Variants in ATRX observed in about 807,000 individuals in gnomAD.
ATRX encodes the protein ATRX chromatin remodeler, also known as chromatin remodeler ATRX.
ATRX carries 12 observed loss-of-function variants against 172.6 expected under a neutral mutation model. The observed-to-expected ratio is 0.07, with a 90% confidence interval of 0.04 to 0.11. The LOEUF is 0.11. Ranked by LOEUF, ATRX falls within the 10% of genes least tolerant of loss-of-function variation. The pLI is 1.00. For missense variants in ATRX, 1,368 were observed against 1,767.4 expected (o/e 0.77, Z 4.05); for synonymous variants, 674 against 594.7 (o/e 1.13, Z -1.94).
In ATRX at chrX:77,620,515, A is replaced by T; in HGVS notation, c.5152T>A (p.Cys1718Ser). The T allele has an allele frequency of 8.3e-7, 1 of 1,205,266 alleles. No homozygotes were observed. The highest frequency in any genetic ancestry group is 1.1e-6 in the Non-Finnish European group (1 of 890,446). Reference sequence around the variant, plus strand: ...TTTTTTAGAATATGGCCTTCATCACAAACAACAAAATCAGGGCCTACAAAA... The same window carrying T: ...TTTTTTAGAATATGGCCTTCATCACTAACAACAAAATCAGGGCCTACAAAA... ...LVDPGPDFVV[C>S]DEGHILKNEA... The change falls in exon 20 of 35, where the codon TGT becomes AGT. Residue 1718 changes from cysteine (C) to serine (S), a missense_variant. Cys to Ser is a moderately radical substitution (Grantham distance 112, BLOSUM62 -1). Coordinates refer to ENST00000373344, the MANE Select transcript of ATRX (RefSeq NM_000489.6).
chrX:77,681,259 A>G (rs1557136604), intron 9 of ATRX, among the ~76,000 whole-genome samples: 1 of 112,018 alleles, frequency 8.9e-6, no homozygotes, highest in African/African-American at 3.2e-5. Context: ...GAAAAGCACT[A>G]AACATTGATA....
chrX:77,567,501 G>A (rs2065242988), intron 28 of ATRX, among the ~76,000 whole-genome samples: 1 of 111,139 alleles, frequency 9.0e-6, no homozygotes, highest in Non-Finnish European at 1.9e-5. Context: ...AGAAGATTAT[G>A]AGGGATAGAC....
At chrX:77,698,483 C>A in intron 3 of ATRX, 91 bp downstream of exon 3, 1 of 789,479 alleles carries the variant, frequency 1.3e-6, no homozygotes, top group Non-Finnish European at 1.9e-6. Flanking sequence ...CAGTAGCCTT[C>A]GACACATACA....
At position 77,521,790 on chromosome X, in the gene ATRX, G is replaced by C. The variant is rs2063240568; in HGVS notation, c.6976-292C>G. On this transcript the variant is annotated intron_variant, in intron 32 of 34. Coordinates refer to ENST00000373344, the MANE Select transcript of ATRX (RefSeq NM_000489.6). ...TTTCAGATTCAATTAAGTCATTATT[G>C]GTATAATAAAAACCCAGTCTTTCCT... is the stretch of plus-strand genomic sequence containing the variant. The C allele has an allele frequency of 1.3e-5, 3 of 227,692 alleles. No individual in the cohort carries two copies. The South Asian group carries it at 2.8e-4, about 21-fold the overall frequency. The allele number at this position is 227,692 out of a possible 1,213,427, so 18.8% of individuals were successfully genotyped here.
chrX:77,734,269 G>A (rs1266076244), intron 1 of ATRX, among the ~76,000 whole-genome samples: 1 of 105,691 alleles, frequency 9.5e-6, no homozygotes, highest in Non-Finnish European at 1.9e-5. Flanking sequence ...ACAAAAATTA[G>A]TTGGGCATGG....
intron 6 of ATRX, among the ~76,000 whole-genome samples, chrX:77,692,504 T>C (rs1557147535): frequency 8.9e-6 from 1 of 112,108 alleles, no homozygotes; most frequent in Non-Finnish European, 1.9e-5. Flanking sequence ...AAAATAGATA[T>C]ATTTTACTGG....
At position 77,633,520 on chromosome X, in the gene ATRX, T is replaced by C. The variant is rs200339988; in HGVS notation, c.4956+46A>G. 25 of 1,163,386 alleles carry C rather than the reference T, an allele frequency of 2.1e-5. No individual in the cohort carries two copies. The East Asian group carries it at 7.2e-4, about 33-fold the overall frequency. ...AATTAAAAATAGTTTACTATATGAATTTCATGTGACTATTTTAATAATAGA... is the reference window on the plus strand; with the variant it reads ...AATTAAAAATAGTTTACTATATGAACTTCATGTGACTATTTTAATAATAGA... On this transcript the variant is annotated intron_variant, in intron 18 of 34. Transcript: ENST00000373344.
At chrX:77,567,513 G>A (rs2065243596) in intron 28 of ATRX, among the ~76,000 whole-genome samples, 1 of 110,927 alleles carries the variant, frequency 9.0e-6, no homozygotes, top group Non-Finnish European at 1.9e-5. Context: ...GGGATAGACA[G>A]GGGCACAGCA....
chrX:77,735,556 C>T (rs1557178492), intron 1 of ATRX, among the ~76,000 whole-genome samples: 1 of 106,161 alleles, frequency 9.4e-6, no homozygotes, highest in East Asian at 2.9e-4. Context: ...CGTGCCACTG[C>T]ACTCCAGCCT....
chrX:77,753,008 T>C (rs2075359545), intron 1 of ATRX, among the ~76,000 whole-genome samples: 1 of 111,699 alleles, frequency 9.0e-6, no homozygotes, highest in African/African-American at 3.3e-5. Flanking sequence ...GAATCCTTCT[T>C]TTTCTATTGC....
chrX:77,690,686 G>A (rs1465712558), intron 6 of ATRX: 1 of 111,528 alleles, frequency 9.0e-6, no homozygotes, highest in Non-Finnish European at 1.9e-5. Context: ...TGTTTTAACA[G>A]AAACAAATAC....
chrX:77,743,252 G>A (rs2074948076), intron 1 of ATRX, among the ~76,000 whole-genome samples: 1 of 111,167 alleles, frequency 9.0e-6, no homozygotes, highest in Non-Finnish European at 1.9e-5. Flanking sequence ...AACTCCGCCT[G>A]GACTGGGGCA....
intron 1 of ATRX, among the ~76,000 whole-genome samples, chrX:77,775,064 A>G (rs1354183094): frequency 9.0e-6 from 1 of 111,205 alleles, no homozygotes; most frequent in Non-Finnish European, 1.9e-5. Flanking sequence ...TGCTAACTAT[A>G]CTGGGATCAT....
intron 19 of ATRX, among the ~76,000 whole-genome samples, chrX:77,628,760 A>C (rs1815440399): frequency 9.0e-6 from 1 of 111,262 alleles, no homozygotes; most frequent in African/African-American, 3.3e-5. Flanking sequence ...GGTGTGTGCC[A>C]CCACACCTGG....
chrX:77,786,017 C>T lies in ATRX; in HGVS notation c.-16G>A. 8.4e-7 allele frequency: 1 copy of T among 1,191,885 alleles called. No individual in the cohort carries two copies. ...CAGCGGTCATGTTTTCGCTTGAACG[C>T]CTTGTCGGCTTCTGTGATTGCTGGG... On this transcript the variant is annotated 5_prime_UTR_variant, in exon 1 of 35. Transcript: ENST00000373344.
chrX:77,704,734 C>T (rs1023601355), intron 2 of ATRX, among the ~76,000 whole-genome samples: 3 of 112,497 alleles, frequency 2.7e-5, no homozygotes, highest in East Asian at 2.8e-4. Context: ...GGCCAGGCTA[C>T]GACAGCACCC....
intron 14 of ATRX, among the ~76,000 whole-genome samples, chrX:77,652,837 T>TA (rs1213964104): frequency 9.5e-6 from 1 of 105,116 alleles, no homozygotes; most frequent in Non-Finnish European, 2.0e-5. Flanking sequence ...CAACACCTAT[T>TA]AAAAAAAACA....
intron 30 of ATRX, among the ~76,000 whole-genome samples, chrX:77,538,430 A>G (rs1557049267): frequency 9.0e-6 from 1 of 111,109 alleles, no homozygotes. Context: ...GCACACAGGG[A>G]CAAACAGAAT....
chrX:77,739,376 C>CATAATCAGATATATATATAT (rs1189593008), intron 1 of ATRX, among the ~76,000 whole-genome samples: 5 of 108,186 alleles, frequency 4.6e-5, no homozygotes, highest in Non-Finnish European at 7.6e-5. Flanking sequence ...GATATATATA[C>CATAATCAGATATATATATAT]ATAATCAGAT....
Sources: allele counts gnomAD v4.1 joint callset (sites outside exome capture counted in the v4.1 genomes callset), GRCh38; gene constraint gnomAD v4.1.1; transcripts MANE v1.5; gene names NCBI Gene and HGNC (gene_info 2026-07-23, HGNC 2026-07-21).